Variants in PTPRD observed in about 807,000 individuals in gnomAD.
PTPRD encodes the protein protein tyrosine phosphatase receptor type D.
Under a neutral mutation model 214.5 loss-of-function variants are expected in PTPRD, and 34 were observed. The observed-to-expected ratio is 0.16, with a 90% CI of 0.12 to 0.21. PTPRD has a LOEUF of 0.21. PTPRD is among the 10% of genes least tolerant of loss of function. The pLI, the probability that PTPRD is intolerant of heterozygous loss-of-function variation, is 1.00. For missense variants in PTPRD, 2,545 were observed against 2,398.7 expected (o/e 1.06, Z -1.27); for synonymous variants, 1,128 against 845.7 (o/e 1.33, Z -5.79).
chr9:8,705,642 T>G (rs950125758), intron 12 of PTPRD, among the ~76,000 whole-genome samples: 1 of 152,218 alleles, frequency 6.6e-6, no homozygotes, highest in South Asian at 2.1e-4. Context: ...AGACAGCAGT[T>G]AAACACATAA....
At chr9:10,523,366 G>T (rs990424346) in intron 2 of PTPRD, among the ~76,000 whole-genome samples, 4 of 151,330 alleles carry the variant, frequency 2.6e-5, no homozygotes, top group African/African-American at 4.9e-5. Context: ...GATATATTAG[G>T]TGTCTATGAC....
intron 4 of PTPRD, among the ~76,000 whole-genome samples, chr9:9,941,228 T>G (rs1198953266): frequency 6.6e-6 from 1 of 152,100 alleles, no homozygotes; most frequent in East Asian, 1.9e-4. Flanking sequence ...TATATGACTA[T>G]GAGGGAAGGG....
At chr9:10,554,848 CA>C (rs2062131275) in intron 2 of PTPRD, among the ~76,000 whole-genome samples, 2 of 152,002 alleles carry the variant, frequency 1.3e-5, no homozygotes, top group East Asian at 2.0e-4. Context: ...TTTTAGTAGA[CA>C]GGGGGTTTCA....
At chr9:8,925,646 C>T (rs373782944) in intron 11 of PTPRD, among the ~76,000 whole-genome samples, 7 of 127,372 alleles carry the variant, frequency 5.5e-5, no homozygotes, top group East Asian at 2.6e-4. Context: ...ACTACATCAA[C>T]GTGATATAAA....
intron 35 of PTPRD, among the ~76,000 whole-genome samples, chr9:8,419,278 G>C (rs867738767): frequency 2.1e-4 from 31 of 146,356 alleles, no homozygotes; most frequent in Middle Eastern, 6.9e-3. Flanking sequence ...TATTAATCAA[G>C]CTATTCAATA....
rs1036067391 is a variant in PTPRD, at chr9:9,840,709, G to T, written c.-367-73858C>A. Reference sequence around the variant, plus strand: ...ACACGGGAGGCAGAGCTTGCATTGAGCCAAGATGGCACCACTGCACTCCAG... The same window carrying T: ...ACACGGGAGGCAGAGCTTGCATTGATCCAAGATGGCACCACTGCACTCCAG... On this transcript the variant is annotated intron_variant, in intron 5 of 45. Transcript: ENST00000381196. Among the ~76,000 whole-genome samples, 5 of 130,922 alleles carry T rather than the reference G, an allele frequency of 3.8e-5. No individual in the cohort carries two copies. In the Admixed American group the frequency reaches 4.7e-4, roughly 12 times the overall value. The allele number at this position is 130,922 out of a possible 152,430, so 85.9% of individuals were successfully genotyped here.
At chr9:9,838,105 T>A (rs1053218726) in intron 5 of PTPRD, among the ~76,000 whole-genome samples, 13 of 152,242 alleles carry the variant, frequency 8.5e-5, no homozygotes, top group African/African-American at 3.1e-4. Flanking sequence ...AACTCATCAT[T>A]TTTTATGGCC....
intron 31 of PTPRD, among the ~76,000 whole-genome samples, chr9:8,469,683 T>C (rs1313393229): frequency 6.6e-6 from 1 of 152,062 alleles, no homozygotes; most frequent in Admixed American, 6.6e-5. Context: ...AACAATTAAA[T>C]TATAACATAT....
rs748998085 is a variant in PTPRD at position 8,316,914 on chromosome 9, C to CTATT, written c.*956_*959dup. 6 of 227,052 alleles carry CTATT rather than the reference C, an allele frequency of 2.6e-5. No homozygotes were observed. The highest frequency in any genetic ancestry group is 1.1e-4 in the African/African-American group (5 of 44,600). 14.1% of individuals were successfully genotyped at this position (227,052 alleles called of 1,614,324 possible). On this transcript the variant is annotated 3_prime_UTR_variant, in exon 46 of 46. Transcript: ENST00000381196. ...AGAACTGACTGACTGATAACTGTAT[C>CTATT]TATTTTTTGTGTGGACACACTGTCT... is the stretch of plus-strand genomic sequence containing the variant.
At chr9:10,120,065 A>G (rs992212861) in intron 3 of PTPRD, among the ~76,000 whole-genome samples, 3 of 152,070 alleles carry the variant, frequency 2.0e-5, no homozygotes, top group Non-Finnish European at 4.4e-5. Flanking sequence ...ATCTGCAATA[A>G]GCCACCCAGT....
chr9:8,702,285 A>G (rs1597397959), intron 12 of PTPRD, among the ~76,000 whole-genome samples: 3 of 150,100 alleles, frequency 2.0e-5, no homozygotes, highest in African/African-American at 7.3e-5. Flanking sequence ...GCTCTGAGTG[A>G]GGTTTCTGGG....
rs77858111 is a variant in PTPRD at position 9,946,419 on chromosome 9, T to G, written c.-471-7809A>C. On this transcript the variant is annotated intron_variant, in intron 4 of 45. Coordinates refer to ENST00000381196, the MANE Select transcript of PTPRD (RefSeq NM_002839.4). The stretch of plus-strand genomic sequence containing the variant: ...GCATGTAAGAGGTTATACGTTAAAT[T>G]GTGTCAAATTAATTAAAAAATAAAC... Among the ~76,000 whole-genome samples, 15 of 152,162 alleles carry G rather than the reference T, an allele frequency of 9.9e-5. No homozygotes were observed. In the East Asian group the frequency reaches 2.9e-3, roughly 29 times the overall value.
intron 39 of PTPRD, among the ~76,000 whole-genome samples, chr9:8,366,043 G>A (rs1007313254): frequency 6.6e-6 from 1 of 152,180 alleles, no homozygotes; most frequent in Non-Finnish European, 1.5e-5. Flanking sequence ...AACTCCTGTG[G>A]CACACAGGTG....
intron 5 of PTPRD, among the ~76,000 whole-genome samples, chr9:9,918,865 C>A (rs540901090): frequency 6.6e-6 from 1 of 152,210 alleles, no homozygotes; most frequent in African/African-American, 2.4e-5. Flanking sequence ...AAGAATTAGA[C>A]CCCTGCCTCC....
intron 10 of PTPRD, among the ~76,000 whole-genome samples, chr9:9,058,644 T>A (rs952782969): frequency 2.0e-5 from 3 of 149,996 alleles, no homozygotes; most frequent in African/African-American, 4.9e-5. Flanking sequence ...AGAGACGGGG[T>A]TTCACCGTGT....
intron 8 of PTPRD, among the ~76,000 whole-genome samples, chr9:9,488,308 G>A (rs1157350402): frequency 1.3e-5 from 2 of 152,168 alleles, no homozygotes; most frequent in African/African-American, 2.4e-5. Flanking sequence ...ACAGTTTAAT[G>A]TATTAGTGGT....
chr9:9,418,848 G>C (rs567875491), intron 8 of PTPRD, among the ~76,000 whole-genome samples: 18 of 151,900 alleles, frequency 1.2e-4, no homozygotes, highest in Non-Finnish European at 2.2e-4. Flanking sequence ...GAGAAGAAAT[G>C]ATTAATTTTG....
intron 2 of PTPRD, chr9:10,532,283 G>C (rs1197673750): frequency 6.5e-6 from 1 of 154,384 alleles, no homozygotes; most frequent in East Asian, 1.9e-4. Context: ...GAAACTGGTA[G>C]GCCTCTGTAA....
rs931446308 is a variant in PTPRD, at chr9:9,209,589, T to G, written c.-202-26226A>C. Among the ~76,000 whole-genome samples, 9 of 152,176 alleles carry G rather than the reference T, an allele frequency of 5.9e-5. No homozygotes were observed. In the East Asian group the frequency reaches 1.7e-3, roughly 29 times the overall value. ...TTTGTGTATCAAATGATATGATGTC[T>G]GGAATTTGCTTCAAAATACTACTAT... On this transcript the variant is annotated intron_variant, in intron 9 of 45. Transcript: ENST00000381196.
Sources: allele counts gnomAD v4.1 joint callset (sites outside exome capture counted in the v4.1 genomes callset), GRCh38; gene constraint gnomAD v4.1.1; transcripts MANE v1.5; gene names NCBI Gene and HGNC (gene_info 2026-07-23, HGNC 2026-07-21).